Variants in SMAD6 observed in about 807,000 individuals in gnomAD.
The protein encoded by SMAD6 is SMAD family member 6.
A neutral mutation model predicts 39.4 loss-of-function variants in SMAD6; 103 were observed. That is an observed-to-expected ratio of 2.62 (90% CI 2.23 to 3.08). The LOEUF (loss-of-function observed/expected upper bound fraction) is 3.08. SMAD6 is among the 30% of genes most tolerant of loss of function. The pLI is 0.00. For synonymous variants in SMAD6, 445 were observed against 353.3 expected (o/e 1.26, Z -2.91); for missense variants, 1,104 against 742.9 (o/e 1.49, Z -5.65).
At chr15:66,710,859 C>T (rs774586417) in intron 1 of SMAD6, among the ~76,000 whole-genome samples, 18 of 152,136 alleles carry the variant, frequency 1.2e-4, no homozygotes, top group Non-Finnish European at 1.5e-5. Context: ...GTGTTCCACC[C>T]CTGTCCTTTA....
intron 1 of SMAD6, among the ~76,000 whole-genome samples, chr15:66,711,086 C>CA (rs1893217124): frequency 6.6e-6 from 1 of 152,166 alleles, no homozygotes. Flanking sequence ...GCAGGATGCC[C>CA]AGTTAAATTC....
rs958542086 is a variant in SMAD6 at position 66,702,333 on chromosome 15, G to A, written c.-926G>A. The A allele has an allele frequency of 2.0e-5, 3 of 152,124 alleles. No homozygotes were observed. The highest frequency in any genetic ancestry group is 7.2e-5 in the African/African-American group (3 of 41,408). The allele number at this position is 152,124 out of a possible 1,614,324, so 9.4% of individuals were successfully genotyped here. On this transcript the variant is annotated 5_prime_UTR_variant, in exon 1 of 4. Transcript: ENST00000288840. ...AAAAGAGAGAGAGAGCCGAGCGGGG[G>A]AGCGATCGAGGGAGCTGAGCCGAGA...
intron 3 of SMAD6, among the ~76,000 whole-genome samples, chr15:66,760,196 C>G (rs934563021): frequency 1.3e-5 from 2 of 151,908 alleles, no homozygotes; most frequent in Admixed American, 1.3e-4. Flanking sequence ...GCCTCACTGC[C>G]CCTCATTTAT....
At chr15:66,719,469 C>T (rs1394571735) in intron 3 of SMAD6, among the ~76,000 whole-genome samples, 4 of 152,132 alleles carry the variant, frequency 2.6e-5, no homozygotes, top group Non-Finnish European at 4.4e-5. Context: ...TTCCATCTCC[C>T]GGAGTTCTGG....
At position 66,782,049 on chromosome 15, in the gene SMAD6, G is replaced by A. The variant is rs568783496; in HGVS notation, c.*514G>A. On this transcript the variant is annotated 3_prime_UTR_variant, in exon 4 of 4. Coordinates refer to ENST00000288840, the MANE Select transcript of SMAD6 (RefSeq NM_005585.5). ...GCAGGTAGGGCTTCAGCGGATTTCT[G>A]ACCCATCATGTACCTTGAAACTTGA... 8.5e-4 allele frequency: 338 copies of A among 397,978 alleles called. 1 individual carries two copies. Among genetic ancestry groups the A allele is most frequent in the Admixed American group, 1.5e-3 (33 of 22,710 alleles). The allele number at this position is 397,978 out of a possible 1,614,324, so 24.7% of individuals were successfully genotyped here. A position where few individuals can be genotyped will look rare whatever the true frequency, so the allele number is the denominator to read the frequency against.
intron 2 of SMAD6, among the ~76,000 whole-genome samples, chr15:66,715,765 A>G (rs1289853864): frequency 3.1e-5 from 3 of 97,686 alleles, no homozygotes; most frequent in South Asian, 3.4e-4. Context: ...AAAACTACTT[A>G]AAAAAAAAAA....
At chr15:66,729,835 A>G (rs1397740188) in intron 3 of SMAD6, among the ~76,000 whole-genome samples, 1 of 152,180 alleles carries the variant, frequency 6.6e-6, no homozygotes, top group Non-Finnish European at 1.5e-5. Context: ...AGTGGTGTGC[A>G]TCAAAGGCGG....
chr15:66,743,762 A>G (rs999644430), intron 3 of SMAD6, among the ~76,000 whole-genome samples: 11 of 152,354 alleles, frequency 7.2e-5, no homozygotes, highest in African/African-American at 2.6e-4. Context: ...TGGGAAGTAG[A>G]AATGGTCTCT....
At position 66,704,070 on chromosome 15, in the gene SMAD6, G is replaced by A; in HGVS notation, c.812G>A (p.Gly271Glu). The change falls in exon 1 of 4, where the codon GGG (glycine) becomes GAG (glutamate). Residue 271 changes from glycine (G) to glutamate (E), a missense_variant. Physicochemically the swap from Gly to Glu is moderately conservative, Grantham distance 98. Transcript: ENST00000288840. ...CCCTACCACTTCAGCCGGCTCTGCG[G>A]GCCCGGTGAGCGCGCTGCGCCGGCC... ...CNPYHFSRLC[G>E]PESPPPPYSR... is the part of the protein sequence containing the mutation. 6.7e-7 allele frequency: 1 copy of A among 1,485,422 alleles called. No homozygotes were observed. Among genetic ancestry groups the A allele is most frequent in the Non-Finnish European group, 8.9e-7 (1 of 1,125,960 alleles). 92.0% of individuals were successfully genotyped at this position (1,485,422 alleles called of 1,614,324 possible).
At chr15:66,756,138 G>T (rs1477275244) in intron 3 of SMAD6, among the ~76,000 whole-genome samples, 1 of 151,692 alleles carries the variant, frequency 6.6e-6, no homozygotes, top group Non-Finnish European at 1.5e-5. Flanking sequence ...CTCATTTGTT[G>T]TATCCATGGG....
rs755709344 is a variant in SMAD6 at position 66,781,496 on chromosome 15, C to G, written c.1452C>G (p.Cys484Trp). The G allele has an allele frequency of 6.3e-7, 1 of 1,575,822 alleles. No homozygotes were observed. The highest frequency in any genetic ancestry group is 1.8e-5 in the Admixed American group (1 of 54,772). The change falls in exon 4 of 4, where the codon TGC becomes TGG. Residue 484 changes from cysteine to tryptophan, a missense_variant. By Grantham distance (215) the Cys-to-Trp change is radical. Coordinates refer to ENST00000288840, the MANE Select transcript of SMAD6 (RefSeq NM_005585.5). ...PCYSRQFITS[C>W]PCWLEILLNN... ...ACTCCCGGCAGTTCATCACCTCCTG[C>G]CCCTGCTGGCTGGAGATCCTCCTCA...
intron 3 of SMAD6, among the ~76,000 whole-genome samples, chr15:66,744,511 C>T (rs2140640204): frequency 6.6e-6 from 1 of 152,366 alleles, no homozygotes; most frequent in South Asian, 2.1e-4. Flanking sequence ...CCGTCTCTGG[C>T]ACCTGCTCAG....
chr15:66,703,511 C>T lies in SMAD6; in HGVS notation c.253C>T (p.Arg85Cys), dbSNP rs1056072996. The change falls in exon 1 of 4, where the codon CGC becomes TGC. Residue 85 changes from arginine to cysteine, a missense_variant. By Grantham distance (180) the Arg-to-Cys change is radical. Coordinates refer to ENST00000288840, the MANE Select transcript of SMAD6 (RefSeq NM_005585.5). ...RGAQGAGRRR[R>C]AGGPPRPMSE... Reference sequence around the variant, plus strand: ...CGCCCAGGGCGCGGGGAGGCGCCGGCGCGCAGGGGGCCCCCCGAGGCCCAT... The same window carrying T: ...CGCCCAGGGCGCGGGGAGGCGCCGGTGCGCAGGGGGCCCCCCGAGGCCCAT... 8.7e-5 allele frequency: 107 copies of T among 1,223,168 alleles called. 1 individual carries two copies. Among genetic ancestry groups the T allele is most frequent in the Non-Finnish European group, 1.0e-4 (98 of 979,496 alleles). 75.8% of individuals were successfully genotyped at this position (1,223,168 alleles called of 1,614,324 possible). A position where few individuals can be genotyped will look rare whatever the true frequency, so the allele number is the denominator to read the frequency against.
chr15:66,725,506 C>A (rs1394265911), intron 3 of SMAD6, among the ~76,000 whole-genome samples: 1 of 152,226 alleles, frequency 6.6e-6, no homozygotes, highest in Non-Finnish European at 1.5e-5. Flanking sequence ...TTTAATTGAT[C>A]TTTAAAAGGA....
chr15:66,763,321 G>A (rs561694992), intron 3 of SMAD6, among the ~76,000 whole-genome samples: 7 of 152,332 alleles, frequency 4.6e-5, no homozygotes, highest in South Asian at 2.1e-4. Flanking sequence ...GGAGACTGGC[G>A]GCTCTGGGTC....
intron 3 of SMAD6, among the ~76,000 whole-genome samples, chr15:66,735,594 G>A (rs546649282): frequency 3.3e-5 from 5 of 152,300 alleles, no homozygotes; most frequent in African/African-American, 9.6e-5. Flanking sequence ...ATTGGGGGGC[G>A]TGTTCTCAGA....
rs58944192 is a variant in SMAD6, at chr15:66,750,319, T to C, written c.953-30678T>C. 0.021 allele frequency among the ~76,000 whole-genome samples: 3,126 copies of C among 152,294 alleles called. 203 individuals carry two copies. The East Asian group carries it at 0.24, about 11-fold the overall frequency. ...TGCATATCTTAGCTCCGAGTTAGAC[T>C]GGGGGTGCCTTGAGGACAAGGACAA... On this transcript the variant is annotated intron_variant, in intron 3 of 3. Coordinates refer to ENST00000288840, the MANE Select transcript of SMAD6 (RefSeq NM_005585.5).
chr15:66,704,824 C>A (rs1893074410), intron 1 of SMAD6: 1 of 152,472 alleles, frequency 6.6e-6, no homozygotes. Flanking sequence ...AGAACTGCCC[C>A]CCTTCTTTGT....
chr15:66,738,248 A>G (rs1346644682), intron 3 of SMAD6, among the ~76,000 whole-genome samples: 2 of 152,196 alleles, frequency 1.3e-5, no homozygotes, highest in Non-Finnish European at 2.9e-5. Flanking sequence ...GGGCCAGGCA[A>G]TCCCAGGACA....
Sources: allele counts gnomAD v4.1 joint callset (sites outside exome capture counted in the v4.1 genomes callset), GRCh38; gene constraint gnomAD v4.1.1; transcripts MANE v1.5; gene names NCBI Gene and HGNC (gene_info 2026-07-23, HGNC 2026-07-21).